Variants in LRRC37A2 observed in about 807,000 individuals in gnomAD.
LRRC37A2 encodes leucine rich repeat containing 37 member A2.
LRRC37A2 carries 9 observed loss-of-function variants against 68.8 expected under a neutral mutation model. The ratio of observed to expected loss-of-function variants is 0.13; its 90% confidence interval spans 0.08 to 0.23. LRRC37A2 has a LOEUF of 0.23. LRRC37A2 is among the 10% of genes least tolerant of loss of function. The pLI is 1.00. For synonymous variants in LRRC37A2, 63 were observed against 367.6 expected (o/e 0.17, Z 9.48); for missense variants, 168 against 950.4 (o/e 0.18, Z 10.82).
chr17:46,740,465 G>C, the LRRC37A2 span, among the ~76,000 whole-genome samples: 2 of 152,108 alleles, frequency 1.3e-5, no homozygotes, highest in Non-Finnish European at 2.9e-5. Flanking sequence ...TAGAACACAG[G>C]GGTCAATTTA....
chr17:46,868,209 CTTCCTCT>C, the LRRC37A2 span, among the ~76,000 whole-genome samples: 3 of 152,214 alleles, frequency 2.0e-5, no homozygotes, highest in Non-Finnish European at 2.9e-5. Context: ...GCAAACAACC[CTTCCTCT>C]GCCCTTTAGT....
chr17:46,786,455 C>T, the LRRC37A2 span, among the ~76,000 whole-genome samples: 937 of 152,310 alleles, frequency 6.2e-3, 8 homozygotes, highest in African/African-American at 0.021. Context: ...TGTCCAGAGA[C>T]GGGTAAAAGG....
Position 46,550,401 on chromosome 17 carries a change from G to GTTT in LRRC37A2, c.4705-5_4705-3dup. 4 of 573,040 alleles carry GTTT rather than the reference G, an allele frequency of 7.0e-6. No homozygotes were observed. The highest frequency in any genetic ancestry group is 3.1e-5 in the South Asian group (1 of 31,824). 35.5% of individuals were successfully genotyped at this position (573,040 alleles called of 1,614,324 possible). A position where few individuals can be genotyped will look rare whatever the true frequency, so the allele number is the denominator to read the frequency against. On this transcript the variant is annotated splice_polypyrimidine_tract_variant and intron_variant, in intron 10 of 14. Coordinates refer to ENST00000576629, the Ensembl canonical transcript of LRRC37A2. ...TCTCATTCTGGTTTTTTTTTTGTGT[G>GTTT]TTTTTTTTTTTAGCTCAAAAAAGAA...
At chr17:46,985,738 G>C in the LRRC37A2 span, among the ~76,000 whole-genome samples, 2 of 152,202 alleles carry the variant, frequency 1.3e-5, no homozygotes, top group Non-Finnish European at 2.9e-5. Context: ...CATTGGACAA[G>C]TGAACCATCC....
At chr17:46,841,032 C>T in the LRRC37A2 span, among the ~76,000 whole-genome samples, 840 of 152,228 alleles carry the variant, frequency 5.5e-3, 13 homozygotes, top group African/African-American at 0.019. Flanking sequence ...ACGCCTTTCC[C>T]GATGCTACTT....
At chr17:47,016,278 A>G in the LRRC37A2 span, among the ~76,000 whole-genome samples, 1 of 151,378 alleles carries the variant, frequency 6.6e-6, no homozygotes, top group African/African-American at 2.5e-5. Flanking sequence ...TATGCACCCT[A>G]TGCCTATGCC....
chr17:46,543,933 A>G (rs2055889491), intron 8 of LRRC37A2, among the ~76,000 whole-genome samples: 2 of 145,604 alleles, frequency 1.4e-5, no homozygotes, highest in African/African-American at 2.8e-5. Flanking sequence ...CCTGGACAAC[A>G]TGGTGAAACC....
the LRRC37A2 span, chr17:47,021,995 G>T: frequency 2.2e-6 from 3 of 1,339,380 alleles, no homozygotes; most frequent in Non-Finnish European, 3.2e-6. Context: ...GCATTTTGAG[G>T]TCGGTACCTC....
the LRRC37A2 span, chr17:46,941,564 T>G: frequency 1.1e-5 from 3 of 265,424 alleles, no homozygotes; most frequent in Non-Finnish European, 1.2e-5. Context: ...TTTAAATCTC[T>G]AAGGTGATTT....
the LRRC37A2 span, chr17:46,978,587 T>C: frequency 9.8e-6 from 15 of 1,526,846 alleles, no homozygotes; most frequent in African/African-American, 2.9e-5. Flanking sequence ...GGGGCGAGGG[T>C]CCGGGTCTCC....
the LRRC37A2 span, among the ~76,000 whole-genome samples, chr17:46,588,692 CAAA>C: frequency 1.7e-3 from 53 of 30,310 alleles, no homozygotes; most frequent in Non-Finnish European, 2.2e-3. Flanking sequence ...GTCAAGGTGT[CAAA>C]AAAAAAAAAA....
the LRRC37A2 span, among the ~76,000 whole-genome samples, chr17:46,900,202 T>TATACATACATATATATATACACACAC: frequency 1.2e-4 from 12 of 101,158 alleles, no homozygotes; most frequent in African/African-American, 6.1e-4. Context: ...TATATATATA[T>TATACATACATATATATATACACACAC]ACACACACAC....
At chr17:46,873,086 TCACAC>T in the LRRC37A2 span, among the ~76,000 whole-genome samples, 1 of 139,820 alleles carries the variant, frequency 7.2e-6, no homozygotes, top group Non-Finnish European at 1.5e-5. Context: ...CTCTGCCTCT[TCACAC>T]ACACACACAC....
At chr17:46,704,666 T>C in the LRRC37A2 span, 1 of 1,460,710 alleles carries the variant, frequency 6.8e-7, no homozygotes, top group Admixed American at 2.7e-5. Flanking sequence ...AATATGCTTT[T>C]AAATCCTCAA....
chr17:46,901,466 C>A, the LRRC37A2 span, among the ~76,000 whole-genome samples: 1 of 152,074 alleles, frequency 6.6e-6, no homozygotes, highest in Admixed American at 6.6e-5. Context: ...CAGCCCAGCA[C>A]GTTTAAAGAA....
chr17:46,723,907 AC>A, the LRRC37A2 span, among the ~76,000 whole-genome samples: 1 of 152,196 alleles, frequency 6.6e-6, no homozygotes, highest in African/African-American at 2.4e-5. Flanking sequence ...ATTGCTTATA[AC>A]CCTTTAGTGG....
chr17:46,681,559 C>T, the LRRC37A2 span, among the ~76,000 whole-genome samples: 2 of 142,434 alleles, frequency 1.4e-5, no homozygotes, highest in South Asian at 4.4e-4. Flanking sequence ...AACATCTCGT[C>T]TTCAAAAAAA....
At chr17:46,805,673 C>A in the LRRC37A2 span, among the ~76,000 whole-genome samples, 1 of 152,134 alleles carries the variant, frequency 6.6e-6, no homozygotes, top group Non-Finnish European at 1.5e-5. Context: ...ATAGCTTCAC[C>A]CCAGGAGATT....
the LRRC37A2 span, among the ~76,000 whole-genome samples, chr17:46,953,817 C>G: frequency 2.0e-5 from 3 of 152,168 alleles, no homozygotes; most frequent in East Asian, 1.9e-4. Flanking sequence ...TCATGTGTTT[C>G]TTGGCTGCAT....
Sources: allele counts gnomAD v4.1 joint callset (sites outside exome capture counted in the v4.1 genomes callset), GRCh38; gene constraint gnomAD v4.1.1; transcripts MANE v1.5; gene names NCBI Gene and HGNC (gene_info 2026-07-23, HGNC 2026-07-21).